Variants in ZNHIT6 observed in about 807,000 individuals in gnomAD.
ZNHIT6 encodes box C/D snoRNA protein 1.
Under a neutral mutation model 57.2 loss-of-function variants are expected in ZNHIT6, and 45 were observed. The observed-to-expected ratio is 0.79, with a 90% CI of 0.62 to 1.01. The LOEUF is 1.01. Ranked by LOEUF, ZNHIT6 falls within the 50% of genes least tolerant of loss-of-function variation. ZNHIT6 has a pLI of 0.00. For synonymous variants in ZNHIT6, 188 were observed against 190.0 expected (o/e 0.99, Z 0.09); for missense variants, 528 against 567.3 (o/e 0.93, Z 0.70).
At chr1:85,684,552 T>TA (rs904906600) in intron 5 of ZNHIT6, among the ~76,000 whole-genome samples, 13 of 150,948 alleles carry the variant, frequency 8.6e-5, no homozygotes, top group African/African-American at 1.9e-4. Context: ...GAGGCAATAA[T>TA]AAAAAAAAAG....
intron 5 of ZNHIT6, among the ~76,000 whole-genome samples, chr1:85,699,327 G>A (rs901295561): frequency 6.6e-6 from 1 of 152,056 alleles, no homozygotes; most frequent in Non-Finnish European, 1.5e-5. Context: ...TCTTAAAGGT[G>A]AAGTATAAAA....
intron 1 of ZNHIT6, 103 bp from the exon 2 acceptor site, chr1:85,706,610 A>C: frequency 9.3e-7 from 1 of 1,076,160 alleles, no homozygotes; most frequent in Non-Finnish European, 1.3e-6. Context: ...CAAGTAACTG[A>C]TAAAATATTT....
At chr1:85,676,166 G>A (rs1049440244) in intron 8 of ZNHIT6, among the ~76,000 whole-genome samples, 22 of 151,814 alleles carry the variant, frequency 1.4e-4, no homozygotes, top group Admixed American at 2.6e-4. Context: ...GAGAAACCCC[G>A]TCTCTACTAA....
At chr1:85,704,793 T>A (rs1662634020) in intron 4 of ZNHIT6, among the ~76,000 whole-genome samples, 2 of 152,132 alleles carry the variant, frequency 1.3e-5, no homozygotes, top group African/African-American at 2.4e-5. Flanking sequence ...ATTCTGCAAC[T>A]CCAATACTAA....
At chr1:85,697,479 A>G (rs779152162) in intron 5 of ZNHIT6, among the ~76,000 whole-genome samples, 4 of 152,202 alleles carry the variant, frequency 2.6e-5, no homozygotes, top group African/African-American at 4.8e-5. Context: ...TTTCAACTCT[A>G]TTTATTGAAT....
intron 5 of ZNHIT6, among the ~76,000 whole-genome samples, chr1:85,689,622 G>T (rs1662159805): frequency 6.6e-6 from 1 of 152,142 alleles, no homozygotes; most frequent in African/African-American, 2.4e-5. Flanking sequence ...TTAAGAAAAT[G>T]GATATAGCAG....
At chr1:85,673,940 A>G (rs1226954349) in intron 8 of ZNHIT6, among the ~76,000 whole-genome samples, 1 of 152,212 alleles carries the variant, frequency 6.6e-6, no homozygotes, top group East Asian at 1.9e-4. Flanking sequence ...ATACTTATAA[A>G]ATTGAGGTTC....
At chr1:85,674,531 T>G (rs1470824109) in intron 8 of ZNHIT6, among the ~76,000 whole-genome samples, 1 of 152,198 alleles carries the variant, frequency 6.6e-6, no homozygotes, top group Admixed American at 6.6e-5. Context: ...TCCCTTCACT[T>G]TGGCGATTAA....
rs138867577 is a variant in ZNHIT6, at chr1:85,678,119, C to T, written c.1169+582G>A. Among the ~76,000 whole-genome samples the T allele has an allele frequency of 9.4e-4, 143 of 152,266 alleles. 2 individuals are homozygous for T. Among genetic ancestry groups the T allele is most frequent in the African/African-American group, 3.3e-3 (138 of 41,562 alleles). ...TAAGGGACAGAAACAGCTATTTTAA[C>T]CCAGATATCCATGACTGAATCTTTC... is the stretch of plus-strand genomic sequence containing the variant. On this transcript the variant is annotated intron_variant, in intron 7 of 9. Coordinates refer to ENST00000370574, the MANE Select transcript of ZNHIT6 (RefSeq NM_017953.4).
chr1:85,662,776 G>C (rs1661261361), intron 8 of ZNHIT6, among the ~76,000 whole-genome samples: 1 of 152,148 alleles, frequency 6.6e-6, no homozygotes, highest in African/African-American at 2.4e-5. Flanking sequence ...ATGGAGAGTA[G>C]ATCATGAATT....
chr1:85,702,051 T>C, intron 5 of ZNHIT6, 106 bp downstream of exon 5: 1 of 690,658 alleles, frequency 1.4e-6, no homozygotes, highest in South Asian at 2.0e-5. Flanking sequence ...TAACAAACAG[T>C]TTACAGAACC....
At chr1:85,707,454 A>T (rs1228122232) in intron 1 of ZNHIT6, among the ~76,000 whole-genome samples, 175 bp downstream of exon 1, 1 of 152,090 alleles carries the variant, frequency 6.6e-6, no homozygotes, top group Admixed American at 6.5e-5. Context: ...TTGTGTTGTC[A>T]TGTACAACAC....
At chr1:85,655,830 C>T (rs1276406898) in intron 9 of ZNHIT6, among the ~76,000 whole-genome samples, 1 of 152,080 alleles carries the variant, frequency 6.6e-6, no homozygotes. Context: ...AAGCAACAAA[C>T]AAACAAAATC....
At chr1:85,682,050 G>A (rs1340166451) in intron 5 of ZNHIT6, among the ~76,000 whole-genome samples, 4 of 126,460 alleles carry the variant, frequency 3.2e-5, no homozygotes, top group African/African-American at 1.2e-4. Flanking sequence ...GTTTCGCTCT[G>A]TTGCCCAGGC....
chr1:85,674,549 A>C (rs896494765), intron 8 of ZNHIT6, among the ~76,000 whole-genome samples: 1 of 152,196 alleles, frequency 6.6e-6, no homozygotes, highest in African/African-American at 2.4e-5. Flanking sequence ...TAAAAAGGTC[A>C]GTTTTGTTTA....
chr1:85,679,776 G>T (rs1661817863), intron 6 of ZNHIT6, among the ~76,000 whole-genome samples: 1 of 151,860 alleles, frequency 6.6e-6, no homozygotes, highest in East Asian at 1.9e-4. Context: ...GTAGAGACGG[G>T]GTTTCACCAT....
chr1:85,687,428 T>A (rs1662095508), intron 5 of ZNHIT6, among the ~76,000 whole-genome samples: 1 of 152,076 alleles, frequency 6.6e-6, no homozygotes. Flanking sequence ...TAGTGTTTAG[T>A]GGCTAGAGAT....
At chr1:85,680,996 C>G (rs980681082) in intron 5 of ZNHIT6, 92 bp from the exon 6 acceptor site, 4 of 833,156 alleles carry the variant, frequency 4.8e-6, no homozygotes, top group Non-Finnish European at 7.6e-6. Flanking sequence ...TAAGATAATT[C>G]CAAAATTATT....
rs1170831292 is a variant in ZNHIT6 at position 85,684,191 on chromosome 1, T to C, written c.1020-3287A>G. The stretch of plus-strand genomic sequence containing the variant: ...GTAACTTAGGGACTCCAAGATACCA[T>C]GTTTAGAGTTGGGTGATAAGACTGG... On this transcript the variant is annotated intron_variant, in intron 5 of 9. Transcript: ENST00000370574. Among the ~76,000 whole-genome samples, 3 of 152,214 alleles carry C rather than the reference T, an allele frequency of 2.0e-5. No individual in the cohort carries two copies. In the East Asian group the frequency reaches 5.8e-4, roughly 29 times the overall value.
Sources: gnomAD v4.1 joint callset for allele counts (sites outside exome capture counted in the v4.1 genomes callset) on GRCh38, gnomAD v4.1.1 for gene constraint, MANE v1.5 for transcripts, NCBI Gene and HGNC (gene_info 2026-07-23, HGNC 2026-07-21) for gene names.